Variants in RAB8A observed in about 807,000 individuals in gnomAD.
RAB8A encodes RAB8A, member RAS oncogene family, also known as ras-related protein Rab-8A.
Under a neutral mutation model 29.2 loss-of-function variants are expected in RAB8A, and 5 were observed. The ratio of observed to expected loss-of-function variants is 0.17; its 90% CI spans 0.09 to 0.36. The LOEUF (loss-of-function observed/expected upper bound fraction) is 0.36. Ranked by LOEUF, RAB8A falls within the 10% of genes least tolerant of loss-of-function variation. The pLI is 1.00. For missense variants in RAB8A, 171 were observed against 272.2 expected (o/e 0.63, Z 2.62); for synonymous variants, 108 against 99.9 (o/e 1.08, Z -0.49).
In RAB8A at chr19:16,118,195, A is replaced by G. The variant is rs2090855309; in HGVS notation, c.125-31A>G. 1.9e-6 allele frequency: 3 copies of G among 1,593,320 alleles called. No homozygotes were observed. The East Asian group carries it at 6.7e-5, about 36-fold the overall frequency. On this transcript the variant is annotated intron_variant, in intron 1 of 7. Transcript: ENST00000300935. The stretch of plus-strand genomic sequence containing the variant: ...GACACAACTTGGGAAATGGGCTGAC[A>G]GTGACGTGCCTTTTTTCTTTTTTCT...
rs2090916347 is a variant in RAB8A at position 16,129,552 on chromosome 19, A to G, written c.481-2A>G. On this transcript the variant is annotated splice_acceptor_variant, in intron 6 of 7. Transcript: ENST00000300935. LOFTEE classifies it high-confidence loss of function. ...AGGACTCACAATGTGCTTATTCCAC[A>G]GGCATTTTTCACTCTCGCCAGAGAT... is the stretch of plus-strand genomic sequence containing the variant. 6.2e-7 allele frequency: 1 copy of G among 1,614,092 alleles called. No individual in the cohort carries two copies.
At chr19:16,128,176 G>A in intron 6 of RAB8A, 85 bp downstream of exon 6, 2 of 1,440,646 alleles carry the variant, frequency 1.4e-6, no homozygotes, top group Non-Finnish European at 1.9e-6. Context: ...CCTCCGAGGA[G>A]GTCCTGCCAG....
rs1012548085 is a variant in RAB8A at position 16,125,237 on chromosome 19, C to A, written c.247-233C>A. On this transcript the variant is annotated intron_variant, in intron 3 of 7. Coordinates refer to ENST00000300935, the MANE Select transcript of RAB8A (RefSeq NM_005370.5). This position sits in a 1 kb window ranked among gnomAD's most constrained non-coding sequence, Gnocchi z 5.0. ...CTGTGAGGCAGAAGGGTCACCTCAGCGGCCCGGGGGGCAGGACAAGGCTGG... is the reference window on the plus strand; with the variant it reads ...CTGTGAGGCAGAAGGGTCACCTCAGAGGCCCGGGGGGCAGGACAAGGCTGG... 1.7e-6 allele frequency: 1 copy of A among 580,446 alleles called. No homozygotes were observed. Among genetic ancestry groups the A allele is most frequent in the African/African-American group, 1.9e-5 (1 of 53,454 alleles). 36.0% of individuals were successfully genotyped at this position (580,446 alleles called of 1,614,324 possible).
intron 3 of RAB8A, chr19:16,125,000 T>G: frequency 3.4e-5 from 6 of 176,822 alleles, no homozygotes; most frequent in South Asian, 2.6e-4. Context: ...GGGTCAGGAC[T>G]TCCTGGGCTC....
chr19:16,129,923 G>T (rs972144735), intron 7 of RAB8A, among the ~76,000 whole-genome samples: 1 of 152,082 alleles, frequency 6.6e-6, no homozygotes, highest in Admixed American at 6.6e-5. Context: ...GCCATGGCTC[G>T]GAGAAAAGCT....
intron 3 of RAB8A, chr19:16,124,997 GACTTCC>G: frequency 4.4e-5 from 9 of 204,178 alleles, no homozygotes; most frequent in South Asian, 2.5e-4. Context: ...GTCGGGTCAG[GACTTCC>G]TGGGCTCAGT....
rs770450111 is a variant in RAB8A, at chr19:16,125,583, C to T, written c.324+36C>T. 9.5e-6 allele frequency: 15 copies of T among 1,574,404 alleles called. No individual in the cohort carries two copies. Among genetic ancestry groups the T allele is most frequent in the Non-Finnish European group, 1.2e-5 (14 of 1,148,964 alleles). On this transcript the variant is annotated intron_variant, in intron 4 of 7. Transcript: ENST00000300935. The surrounding 1 kb of genome is among the most constrained non-coding windows in gnomAD (Gnocchi z 5.0). ...CCGGCTCCTCCCACTGTCCCTGCTT[C>T]AGTCCTTGTCCCAGAGCCCTCTGGT...
intron 7 of RAB8A, among the ~76,000 whole-genome samples, chr19:16,131,867 G>A (rs1339733188): frequency 1.4e-5 from 2 of 144,782 alleles, no homozygotes; most frequent in Non-Finnish European, 3.1e-5. Context: ...TGGTTGGTTG[G>A]TTGGTTGGTT....
At chr19:16,124,014 T>C (rs1313988453) in intron 3 of RAB8A, 1 of 151,986 alleles carries the variant, frequency 6.6e-6, no homozygotes, top group Non-Finnish European at 1.5e-5. Flanking sequence ...CTGAAATAGG[T>C]ATAATCCAGG....
rs890623886 is a variant in RAB8A, at chr19:16,118,268, G to T, written c.167G>T (p.Arg56Ile). The T allele has an allele frequency of 1.2e-6, 2 of 1,611,458 alleles. No homozygotes were observed. Among genetic ancestry groups the T allele is most frequent in the Non-Finnish European group, 8.5e-7 (1 of 1,179,332 alleles). The change falls in exon 2 of 8, where the codon AGA becomes ATA. Residue 56 changes from arginine to isoleucine, a missense_variant. Physicochemically the swap from Arg to Ile is moderately conservative, Grantham distance 97. This residue lies in a region of RAB8A where 145 missense variants were observed against 212.8 expected (regional missense o/e 0.68). Coordinates refer to ENST00000300935, the MANE Select transcript of RAB8A (RefSeq NM_005370.5). ...KIRTIELDGK[R>I]IKLQIWDTAG... ...AGGACCATAGAGCTCGATGGCAAGA[G>T]AATTAAACTGCAGATATGGTAAGAG...
chr19:16,120,073 A>G lies in RAB8A; in HGVS notation c.186-1677A>G, dbSNP rs773384141. On this transcript the variant is annotated intron_variant, in intron 2 of 7. Coordinates refer to ENST00000300935, the MANE Select transcript of RAB8A (RefSeq NM_005370.5). ...GGTGATCCACCCGCCTCGGCCTCCC[A>G]AAGTGCTGGAATTACAGGCGTGAGC... 2.1e-4 allele frequency among the ~76,000 whole-genome samples: 32 copies of G among 152,242 alleles called. 1 individual carries two copies. The highest frequency in any genetic ancestry group is 4.0e-4 in the Non-Finnish European group (27 of 68,014).
chr19:16,127,703 C>T lies in RAB8A; in HGVS notation c.414+177C>T, dbSNP rs901609375. 12 of 610,156 alleles carry T rather than the reference C, an allele frequency of 2.0e-5. No homozygotes were observed. The highest frequency in any genetic ancestry group is 3.2e-5 in the Non-Finnish European group (11 of 348,474). 37.8% of individuals were successfully genotyped at this position (610,156 alleles called of 1,614,324 possible). ...GCCGGGGCTTCTTGGGTGCACTCTG[C>T]GGGCATCTCATCAAAACCTACCATG... On this transcript the variant is annotated intron_variant, in intron 5 of 7. Coordinates refer to ENST00000300935, the MANE Select transcript of RAB8A (RefSeq NM_005370.5). The surrounding 1 kb of genome is among the most constrained non-coding windows in gnomAD (Gnocchi z 4.8).
At chr19:16,131,042 T>C (rs564835726) in intron 7 of RAB8A, among the ~76,000 whole-genome samples, 2 of 152,310 alleles carry the variant, frequency 1.3e-5, no homozygotes, top group Admixed American at 1.3e-4. Flanking sequence ...CAGGCTGGTC[T>C]TGAACTCCTG....
intron 6 of RAB8A, 133 bp from the exon 7 acceptor site, chr19:16,129,421 C>G: frequency 1.2e-6 from 1 of 806,504 alleles, no homozygotes; most frequent in South Asian, 1.5e-5. Context: ...GAACCCACTG[C>G]CAGAGGCGGG....
chr19:16,121,671 C>A (rs149964516), intron 2 of RAB8A, 79 bp from the exon 3 acceptor site: 1 of 1,340,984 alleles, frequency 7.5e-7, no homozygotes, highest in Non-Finnish European at 1.1e-6. Context: ...CCAGGCATCC[C>A]GGGTAGATGC....
At chr19:16,118,440 G>T (rs920931838) in intron 2 of RAB8A, among the ~76,000 whole-genome samples, 154 bp downstream of exon 2, 1 of 152,180 alleles carries the variant, frequency 6.6e-6, no homozygotes, top group Admixed American at 6.5e-5. Flanking sequence ...GCTCCTGGAG[G>T]TTTATACCCA....
At chr19:16,112,647 C>T (rs2090829719) in intron 1 of RAB8A, 1 of 155,504 alleles carries the variant, frequency 6.4e-6, no homozygotes, top group Non-Finnish European at 1.4e-5. Flanking sequence ...AGGCTTAGCT[C>T]TCCTAGAGAG....
chr19:16,115,383 A>G (rs1455415900), intron 1 of RAB8A, among the ~76,000 whole-genome samples: 2 of 152,016 alleles, frequency 1.3e-5, no homozygotes, highest in Non-Finnish European at 2.9e-5. Context: ...CTGCCACTCA[A>G]TCCTTAACAT....
rs898468780 is a variant in RAB8A at position 16,133,621 on chromosome 19, C to T, written c.*1317C>T. ...TAAGGAAAACAAACAAATTAAAGCT[C>T]ATCTTAAAGTCCAAGGATTTTTATG... On this transcript the variant is annotated 3_prime_UTR_variant, in exon 8 of 8. Transcript: ENST00000300935. The T allele has an allele frequency of 3.3e-5, 5 of 152,696 alleles. No homozygotes were observed. The highest frequency in any genetic ancestry group is 1.2e-4 in the African/African-American group (5 of 41,452). The allele number at this position is 152,696 out of a possible 1,614,324, so 9.5% of individuals were successfully genotyped here.
Sources: gnomAD v4.1 joint callset for allele counts (sites outside exome capture counted in the v4.1 genomes callset) on GRCh38, gnomAD v4.1.1 for gene constraint, gnomAD v4.1.1 regional missense constraint, Gnocchi (gnomAD v3.1) non-coding constraint, MANE v1.5 for transcripts, NCBI Gene and HGNC (gene_info 2026-07-23, HGNC 2026-07-21) for gene names.